SERPINA12: variants seen among roughly 807,000 people sequenced by gnomAD.
The protein encoded by SERPINA12 is serpin family A member 12.
Under a neutral mutation model 25.9 loss-of-function variants are expected in SERPINA12, and 21 were observed. That is an observed-to-expected ratio of 0.81 (90% CI 0.58 to 1.17). The LOEUF is 1.17. Ranked by LOEUF, SERPINA12 falls within the 50% of genes most tolerant of loss-of-function variation. The pLI is 0.00. For missense variants in SERPINA12, 562 were observed against 508.3 expected (o/e 1.11, Z -1.02); for synonymous variants, 220 against 196.0 (o/e 1.12, Z -1.02).
chr14:94,505,132 C>T (rs1426292323), intron 1 of SERPINA12, among the ~76,000 whole-genome samples: 2 of 152,228 alleles, frequency 1.3e-5, no homozygotes, highest in Non-Finnish European at 2.9e-5. Flanking sequence ...CTGATCGAAA[C>T]ACCTCGGAGG....
intron 3 of SERPINA12, among the ~76,000 whole-genome samples, chr14:94,495,067 T>TTTA (rs1555377341): frequency 6.8e-5 from 7 of 103,576 alleles, no homozygotes; most frequent in African/African-American, 2.5e-4. Context: ...TCCCTTTCTT[T>TTTA]TTTTTTTTTT....
chr14:94,502,022 G>C (rs1900749445), intron 1 of SERPINA12, among the ~76,000 whole-genome samples: 1 of 138,668 alleles, frequency 7.2e-6, no homozygotes, highest in South Asian at 2.2e-4. Context: ...TTTTAGTTTG[G>C]AATGTGTGTG....
At chr14:94,517,641 G>T (rs139593919) in exon 1 of SERPINA12, 144 of 152,196 alleles carry the variant, frequency 9.5e-4, no homozygotes, top group Middle Eastern at 3.4e-3. Context: ...TTTTTCTCCT[G>T]GGGATGAGTG....
rs761565822 is a variant in SERPINA12, at chr14:94,497,803, CG to C, written c.594del (p.Gly199AlafsTer3). Reference sequence around the variant, plus strand: ...TAATTTGCAAGAAGCATCACAGTGCCGGGGTCTATATTCTCGATCAGGTTGT... The same window carrying C: ...TAATTTGCAAGAAGCATCACAGTGCCGGGTCTATATTCTCGATCAGGTTGT... ...KINNLIENID[P>X]GTVMLLANYI... On this transcript the variant is annotated frameshift_variant, in exon 2 of 5. Coordinates refer to ENST00000677451, the MANE Select transcript of SERPINA12 (RefSeq NM_001382267.1). LOFTEE classifies it high-confidence loss of function. The C allele has an allele frequency of 6.2e-7, 1 of 1,610,158 alleles. No homozygotes were observed. Among genetic ancestry groups the C allele is most frequent in the Admixed American group, 1.7e-5 (1 of 59,314 alleles).
chr14:94,511,820 G>A (rs536538386), upstream of SERPINA12: 285 of 683,792 alleles, frequency 4.2e-4, no homozygotes, highest in African/African-American at 5.1e-3. Flanking sequence ...GGAAGGGACA[G>A]ACACTGGGGG....
At chr14:94,514,388 C>T (rs1322117560), upstream of SERPINA12, among the ~76,000 whole-genome samples, 10 of 152,192 alleles carry the variant, frequency 6.6e-5, no homozygotes, top group South Asian at 2.1e-4. Flanking sequence ...GCTGCAGGCA[C>T]GTGACAGAGC....
chr14:94,511,250 CACACAT>C, upstream of SERPINA12: 1 of 241,094 alleles, frequency 4.1e-6, no homozygotes, highest in Non-Finnish European at 6.7e-6. Flanking sequence ...CACACACACA[CACACAT>C]ATATATATAC....
rs1249553764 is a variant in SERPINA12 at position 94,495,841 on chromosome 14, G to A, written c.905+532C>T. Among the ~76,000 whole-genome samples the A allele has an allele frequency of 4.6e-5, 7 of 152,194 alleles. No individual in the cohort carries two copies. The South Asian group carries it at 6.2e-4, about 14-fold the overall frequency. On this transcript the variant is annotated intron_variant, in intron 3 of 4. Coordinates refer to ENST00000677451, the MANE Select transcript of SERPINA12 (RefSeq NM_001382267.1). ...AAAATCTATCAGTAAGCAAGTGCCT[G>A]GGAGGAATTCTGTAGGCTTAGCATT...
intron 1 of SERPINA12, among the ~76,000 whole-genome samples, chr14:94,507,389 C>T (rs761476357): frequency 1.8e-4 from 28 of 152,128 alleles, no homozygotes; most frequent in Non-Finnish European, 3.4e-4. Flanking sequence ...AGCCTTGTTC[C>T]TCTAAAATTA....
At chr14:94,507,678 T>A (rs1402802929) in intron 1 of SERPINA12, among the ~76,000 whole-genome samples, 1 of 152,174 alleles carries the variant, frequency 6.6e-6, no homozygotes, top group East Asian at 1.9e-4. Context: ...ATAGCTCAGA[T>A]TAAAAGGACC....
intron 3 of SERPINA12, among the ~76,000 whole-genome samples, chr14:94,494,101 A>G (rs1900294483): frequency 6.6e-6 from 1 of 152,204 alleles, no homozygotes. Flanking sequence ...TTTGAGTCCT[A>G]CGGGAAATGT....
intron 2 of SERPINA12, among the ~76,000 whole-genome samples, chr14:94,515,198 T>A (rs8006968): frequency 0.21 from 32,418 of 152,106 alleles, 4,010 homozygotes; most frequent in African/African-American, 0.34. Flanking sequence ...TGGGAGAGGC[T>A]GATGATTGGG....
At position 94,505,920 on chromosome 14, in the gene SERPINA12, G is replaced by C. The variant is rs1433461826; in HGVS notation, c.-34+3422C>G. On this transcript the variant is annotated intron_variant, in intron 1 of 4. Transcript: ENST00000677451. ...AGGCGCTACACCTGGGTTGGGAGTTGCCTGTCCTGCCTGGGGAAAAGAGCC... is the reference window on the plus strand; with the variant it reads ...AGGCGCTACACCTGGGTTGGGAGTTCCCTGTCCTGCCTGGGGAAAAGAGCC... Among the ~76,000 whole-genome samples, 4 of 152,336 alleles carry C rather than the reference G, an allele frequency of 2.6e-5. No homozygotes were observed. In the South Asian group the frequency reaches 6.2e-4, roughly 24 times the overall value.
At chr14:94,510,694 A>G (rs1317707391), upstream of SERPINA12, among the ~76,000 whole-genome samples, 1 of 152,244 alleles carries the variant, frequency 6.6e-6, no homozygotes, top group East Asian at 1.9e-4. Flanking sequence ...GAACCAACCT[A>G]AGTGCCCATC....
chr14:94,497,764 C>G lies in SERPINA12; in HGVS notation c.634G>C (p.Ala212Pro). 1 of 1,599,416 alleles carries G rather than the reference C, an allele frequency of 6.3e-7. No individual in the cohort carries two copies. The highest frequency in any genetic ancestry group is 1.3e-5 in the African/African-American group (1 of 74,254). ...MLLANYIFFR[A>P]RWKHEFDPNV... ...CACACCAACATGCCAAAAGCCTTAC[C>G]TCGAAAGAAAATATAATTTGCAAGA... Residue 212 changes from alanine to proline, a missense_variant and splice_region_variant, in exon 2 of 5, where the codon GCC becomes CCC. Physicochemically the swap from Ala to Pro is conservative, Grantham distance 27. Coordinates refer to ENST00000677451, the MANE Select transcript of SERPINA12 (RefSeq NM_001382267.1).
chr14:94,492,637 C>G (rs1024571389), intron 3 of SERPINA12, among the ~76,000 whole-genome samples: 12 of 152,190 alleles, frequency 7.9e-5, no homozygotes, highest in African/African-American at 2.9e-4. Context: ...TCCTGAGTAG[C>G]AGGGGGCCGT....
At chr14:94,514,237 A>C (rs1206386243), upstream of SERPINA12, among the ~76,000 whole-genome samples, 2 of 152,202 alleles carry the variant, frequency 1.3e-5, no homozygotes, top group African/African-American at 4.8e-5. Flanking sequence ...TTGTGATGGC[A>C]CTGATGACAG....
At position 94,498,164 on chromosome 14, in the gene SERPINA12, G is replaced by T. The variant is rs763502693; in HGVS notation, c.234C>A (p.Ser78Arg). Residue 78 changes from serine (S) to arginine (R), a missense_variant, in exon 2 of 5, where the codon AGC (serine) becomes AGA (arginine). Physicochemically the swap from Ser to Arg is moderately radical, Grantham distance 110. Transcript: ENST00000677451. Reference sequence around the variant, plus strand: ...ACAGCATGGAGAAAGCTGTAGAGATGCTCAAGGGGGATAGGAAGATGTTCC... The same window carrying T: ...ACAGCATGGAGAAAGCTGTAGAGATTCTCAAGGGGGATAGGAAGATGTTCC... ...PGRNIFLSPL[S>R]ISTAFSMLCL... 1.2e-6 allele frequency: 2 copies of T among 1,614,184 alleles called. No homozygotes were observed. Among genetic ancestry groups the T allele is most frequent in the Non-Finnish European group, 1.7e-6 (2 of 1,180,038 alleles).
chr14:94,506,106 CA>C (rs1900922892), intron 1 of SERPINA12, among the ~76,000 whole-genome samples: 1 of 152,322 alleles, frequency 6.6e-6, no homozygotes, highest in African/African-American at 2.4e-5. Context: ...TGGTGTTCAT[CA>C]GGGGCTAGAA....
Sources: gnomAD v4.1 joint callset for allele counts (sites outside exome capture counted in the v4.1 genomes callset) on GRCh38, gnomAD v4.1.1 for gene constraint, MANE v1.5 for transcripts, NCBI Gene and HGNC (gene_info 2026-07-23, HGNC 2026-07-21) for gene names.